The following DPY19L2 variants were observed in gnomAD, a reference collection of about 807,000 sequenced individuals.
The protein encoded by DPY19L2 is dpy-19 like 2, also known as probable C-mannosyltransferase DPY19L2.
Under a neutral mutation model 97.9 loss-of-function variants are expected in DPY19L2, and 34 were observed. The ratio of observed to expected loss-of-function variants is 0.35; its 90% CI spans 0.26 to 0.46. The LOEUF (loss-of-function observed/expected upper bound fraction) is 0.46. Ranked by LOEUF, DPY19L2 falls within the 20% of genes least tolerant of loss-of-function variation. DPY19L2 has a pLI of 1.00. For missense variants in DPY19L2, 623 were observed against 911.4 expected (o/e 0.68, Z 4.07); for synonymous variants, 230 against 307.9 (o/e 0.75, Z 2.65).
chr12:63,603,243 C>T lies in DPY19L2; in HGVS notation c.1279-2857G>A, dbSNP rs540370434. Among the ~76,000 whole-genome samples the T allele has an allele frequency of 2.1e-4, 32 of 152,172 alleles. 1 individual carries two copies. The South Asian group carries it at 6.2e-3, about 30-fold the overall frequency. ...AACAAAATAAAGCAAAAAAAGTACA[C>T]GAAAGGAAATACACATGGGAAGAAT... is the stretch of plus-strand genomic sequence containing the variant. On this transcript the variant is annotated intron_variant, in intron 12 of 21. Transcript: ENST00000324472.
At chr12:63,626,925 C>T (rs1345017691) in intron 6 of DPY19L2, among the ~76,000 whole-genome samples, 15 of 152,016 alleles carry the variant, frequency 9.9e-5, no homozygotes, top group African/African-American at 2.4e-4. Flanking sequence ...ATTACAGGCG[C>T]GTGCTGCCAC....
intron 4 of DPY19L2, among the ~76,000 whole-genome samples, chr12:63,649,574 C>A (rs1352813878): frequency 2.0e-5 from 3 of 151,998 alleles, no homozygotes; most frequent in Non-Finnish European, 4.4e-5. Flanking sequence ...ACTGGAAAAC[C>A]TAGAAGAAAT....
At chr12:63,608,021 C>T (rs1886349920) in intron 12 of DPY19L2, among the ~76,000 whole-genome samples, 2 of 152,148 alleles carry the variant, frequency 1.3e-5, no homozygotes, top group African/African-American at 4.8e-5. Flanking sequence ...AGTTGCACTA[C>T]CTGCCTAATA....
chr12:63,627,798 G>A (rs1463093779), intron 6 of DPY19L2, among the ~76,000 whole-genome samples: 30 of 152,088 alleles, frequency 2.0e-4, no homozygotes, highest in Non-Finnish European at 1.5e-5. Context: ...TAAGCACCAT[G>A]AGGACAGGGA....
intron 6 of DPY19L2, among the ~76,000 whole-genome samples, chr12:63,643,927 T>C (rs1486725329): frequency 6.6e-6 from 1 of 152,148 alleles, no homozygotes; most frequent in Non-Finnish European, 1.5e-5. Flanking sequence ...TTGAAATTAA[T>C]TTCAACTTAT....
chr12:63,619,373 T>G (rs1888321609), intron 9 of DPY19L2, among the ~76,000 whole-genome samples: 1 of 152,042 alleles, frequency 6.6e-6, no homozygotes, highest in African/African-American at 2.4e-5. Context: ...TTAAAGTACT[T>G]CCAGAAAATA....
intron 11 of DPY19L2, among the ~76,000 whole-genome samples, chr12:63,614,027 T>C (rs1431019750): frequency 6.6e-6 from 1 of 151,312 alleles, no homozygotes; most frequent in Non-Finnish European, 1.5e-5. Context: ...CCGTCTCTAC[T>C]AAAAATACAA....
chr12:63,636,077 C>A (rs1175233137), intron 6 of DPY19L2, among the ~76,000 whole-genome samples: 5 of 149,678 alleles, frequency 3.3e-5, no homozygotes, highest in South Asian at 2.1e-4. Context: ...AACAGCTGAT[C>A]TCTTGGCAGA....
chr12:63,560,451 C>G lies in DPY19L2; in HGVS notation c.*61G>C. ...TGTGATTTTTATTAATGTGAATAAG[C>G]CAAAGGGTGATTGTTTTTGACACAC... On this transcript the variant is annotated 3_prime_UTR_variant, in exon 22 of 22. Coordinates refer to ENST00000324472, the MANE Select transcript of DPY19L2 (RefSeq NM_173812.5). 6.4e-7 allele frequency: 1 copy of G among 1,558,476 alleles called. No homozygotes were observed.
intron 1 of DPY19L2, 149 bp from the exon 2 acceptor site, chr12:63,666,008 G>T (rs1896293172): frequency 1.3e-6 from 1 of 791,100 alleles, no homozygotes; most frequent in Admixed American, 3.2e-5. Context: ...AAGAGCATAG[G>T]AAAAAATCCA....
At chr12:63,655,418 T>A (rs1454031864) in intron 4 of DPY19L2, among the ~76,000 whole-genome samples, 3 of 152,140 alleles carry the variant, frequency 2.0e-5, no homozygotes, top group Non-Finnish European at 4.4e-5. Context: ...CATAGTTTCA[T>A]TCATTCAACA....
intron 6 of DPY19L2, among the ~76,000 whole-genome samples, chr12:63,637,559 T>A (rs943122615): frequency 6.6e-6 from 1 of 152,050 alleles, no homozygotes; most frequent in South Asian, 2.1e-4. Flanking sequence ...AAATACAAAC[T>A]ACCATCAGAG....
At chr12:63,624,938 T>C (rs1047637475) in intron 7 of DPY19L2, among the ~76,000 whole-genome samples, 17 of 152,200 alleles carry the variant, frequency 1.1e-4, no homozygotes, top group Non-Finnish European at 2.1e-4. Flanking sequence ...CCAACAGTTG[T>C]CTGGAACACT....
At chr12:63,637,971 C>T (rs1172024909) in intron 6 of DPY19L2, among the ~76,000 whole-genome samples, 1 of 152,148 alleles carries the variant, frequency 6.6e-6, no homozygotes, top group African/African-American at 2.4e-5. Flanking sequence ...AAAATATTGG[C>T]AAACCGAATC....
intron 4 of DPY19L2, among the ~76,000 whole-genome samples, chr12:63,654,388 T>C (rs1894683307): frequency 6.6e-6 from 1 of 152,054 alleles, no homozygotes; most frequent in Non-Finnish European, 1.5e-5. Flanking sequence ...AATAAAATGT[T>C]CTGCCACAAG....
intron 4 of DPY19L2, among the ~76,000 whole-genome samples, chr12:63,658,107 G>C (rs1057435503): frequency 1.3e-5 from 2 of 152,122 alleles, no homozygotes; most frequent in Admixed American, 6.5e-5. Context: ...TCACCAAATT[G>C]ACACCTGAAG....
chr12:63,560,737 G>C, intron 21 of DPY19L2, 75 bp from the exon 22 acceptor site: 3 of 1,507,584 alleles, frequency 2.0e-6, no homozygotes, highest in Admixed American at 2.2e-5. Flanking sequence ...ATAACATCTA[G>C]ATTTTCAGAG....
chr12:63,633,744 G>T (rs575841798), intron 6 of DPY19L2, among the ~76,000 whole-genome samples: 37 of 152,206 alleles, frequency 2.4e-4, no homozygotes, highest in African/African-American at 7.9e-4. Context: ...AAATCATGCT[G>T]CTGTAAAGAC....
intron 19 of DPY19L2, among the ~76,000 whole-genome samples, chr12:63,572,491 T>C (rs1172979981): frequency 6.6e-6 from 1 of 152,136 alleles, no homozygotes; most frequent in African/African-American, 2.4e-5. Flanking sequence ...GACTATGACC[T>C]GGGGGATCTT....
Sources: allele counts gnomAD v4.1 joint callset (sites outside exome capture counted in the v4.1 genomes callset), GRCh38; gene constraint gnomAD v4.1.1; transcripts MANE v1.5; gene names NCBI Gene and HGNC (gene_info 2026-07-23, HGNC 2026-07-21).